The following RGS6 variants were observed in gnomAD, a reference collection of about 807,000 sequenced individuals.
The protein encoded by RGS6 is regulator of G protein signaling 6.
In RGS6, 30 loss-of-function variants were observed where a neutral mutation model predicts 78.5. That is an observed-to-expected ratio of 0.38 (90% CI 0.29 to 0.52). RGS6 has a LOEUF of 0.52. RGS6 is among the 20% of genes least tolerant of loss of function. The pLI, the probability that RGS6 is intolerant of heterozygous loss-of-function variation, is 0.85. For missense variants in RGS6, 495 were observed against 609.7 expected (o/e 0.81, Z 1.98); for synonymous variants, 206 against 206.0 (o/e 1.00, Z 0.00).
intron 3 of RGS6, among the ~76,000 whole-genome samples, chr14:72,438,070 A>G (rs909816231): frequency 1.3e-5 from 2 of 152,158 alleles, no homozygotes; most frequent in African/African-American, 4.8e-5. Context: ...AGGGGGGTGG[A>G]AATAACAGAC....
intron 2 of RGS6, among the ~76,000 whole-genome samples, chr14:72,164,994 G>C (rs2096904814): frequency 3.3e-5 from 5 of 152,186 alleles, no homozygotes; most frequent in Non-Finnish European, 7.3e-5. Flanking sequence ...AGTCAGGGTG[G>C]AGGTGAGACC....
chr14:71,870,367 C>T, the RGS6 span, among the ~76,000 whole-genome samples: 1 of 152,156 alleles, frequency 6.6e-6, no homozygotes, highest in African/African-American at 2.4e-5. Flanking sequence ...ATTACTACCT[C>T]CTTATGAGAT....
intron 2 of RGS6, among the ~76,000 whole-genome samples, chr14:71,982,585 C>T (rs926827139): frequency 1.3e-5 from 2 of 152,154 alleles, no homozygotes; most frequent in Non-Finnish European, 2.9e-5. Context: ...CCCTGGGTGC[C>T]CCTCCTCCTT....
At chr14:72,462,291 C>G (rs1004862228) in intron 6 of RGS6, among the ~76,000 whole-genome samples, 1 of 152,070 alleles carries the variant, frequency 6.6e-6, no homozygotes, top group Non-Finnish European at 1.5e-5. Flanking sequence ...TGATGAATGA[C>G]TGAGAAGGCT....
At chr14:72,540,870 A>G (rs1045211370) in intron 17 of RGS6, 2 of 985,408 alleles carry the variant, frequency 2.0e-6, no homozygotes, top group Non-Finnish European at 2.4e-6. Context: ...AGAGCTCCCC[A>G]CAGTGGCACA....
intron 2 of RGS6, among the ~76,000 whole-genome samples, chr14:72,198,177 A>G (rs978728025): frequency 6.6e-5 from 10 of 152,070 alleles, no homozygotes; most frequent in African/African-American, 1.7e-4. Flanking sequence ...CCTGGTCAAC[A>G]TGGCGAAACC....
chr14:71,909,835 T>C, the RGS6 span, among the ~76,000 whole-genome samples: 2 of 152,066 alleles, frequency 1.3e-5, no homozygotes, highest in South Asian at 2.1e-4. Context: ...AAAACCAGAA[T>C]ATGTCACCCC....
At chr14:72,472,152 A>G (rs547615656) in intron 8 of RGS6, among the ~76,000 whole-genome samples, 1 of 147,492 alleles carries the variant, frequency 6.8e-6, no homozygotes, top group South Asian at 2.2e-4. Flanking sequence ...AATAAAATGA[A>G]GTAATACATG....
At chr14:72,207,857 A>G (rs141604372) in intron 2 of RGS6, among the ~76,000 whole-genome samples, 1 of 152,348 alleles carries the variant, frequency 6.6e-6, no homozygotes, top group African/African-American at 2.4e-5. Flanking sequence ...CAGGCTTATC[A>G]TGATTCATCA....
At chr14:71,979,376 T>C (rs2153110120) in intron 2 of RGS6, among the ~76,000 whole-genome samples, 1 of 148,866 alleles carries the variant, frequency 6.7e-6, no homozygotes, top group South Asian at 2.2e-4. Context: ...TTTTGGATCT[T>C]TCCTGCTTTC....
chr14:72,088,846 C>T (rs571443758), intron 2 of RGS6, among the ~76,000 whole-genome samples: 4 of 152,324 alleles, frequency 2.6e-5, no homozygotes, highest in Admixed American at 6.5e-5. Flanking sequence ...CTTTCTGCTC[C>T]TCAGTCACTC....
intron 2 of RGS6, among the ~76,000 whole-genome samples, chr14:72,171,025 G>A (rs1451993672): frequency 3.9e-5 from 6 of 152,168 alleles, no homozygotes. Flanking sequence ...AAGAAATCTA[G>A]GTAATTTTTG....
intron 2 of RGS6, among the ~76,000 whole-genome samples, chr14:72,268,966 T>C (rs562883101): frequency 6.6e-6 from 1 of 152,342 alleles, no homozygotes; most frequent in South Asian, 2.1e-4. Context: ...ATCTCTCTCT[T>C]TCTTCCGCCT....
intron 3 of RGS6, among the ~76,000 whole-genome samples, chr14:72,438,016 G>A (rs186583094): frequency 3.0e-4 from 45 of 152,282 alleles, no homozygotes; most frequent in Admixed American, 2.0e-3. Flanking sequence ...CATCAGTGGT[G>A]GTCGGTGTAG....
chr14:72,014,088 T>C (rs2086441835), intron 2 of RGS6, among the ~76,000 whole-genome samples: 1 of 152,204 alleles, frequency 6.6e-6, no homozygotes, highest in Non-Finnish European at 1.5e-5. Flanking sequence ...TGCAGTAATT[T>C]ACAACCACCG....
At chr14:72,629,549 T>C in the RGS6 span, 1 of 1,378,490 alleles carries the variant, frequency 7.3e-7, no homozygotes, top group South Asian at 1.3e-5. Flanking sequence ...ACAAGAGTCC[T>C]TCCTTCCTCT....
chr14:72,052,781 G>T (rs2093328342), intron 2 of RGS6, among the ~76,000 whole-genome samples: 1 of 152,004 alleles, frequency 6.6e-6, no homozygotes, highest in Admixed American at 6.6e-5. Flanking sequence ...AGGCATTTTT[G>T]TAAGTGTGTT....
At chr14:72,165,108 A>G (rs2096906778) in intron 2 of RGS6, among the ~76,000 whole-genome samples, 1 of 152,166 alleles carries the variant, frequency 6.6e-6, no homozygotes, top group Admixed American at 6.5e-5. Flanking sequence ...AGAGCCAGGA[A>G]CCCTGCTAGG....
At chr14:72,059,241 A>G (rs141698914) in intron 2 of RGS6, among the ~76,000 whole-genome samples, 2 of 152,312 alleles carry the variant, frequency 1.3e-5, no homozygotes, top group Non-Finnish European at 2.9e-5. Context: ...GGATCTTGGT[A>G]ACCAGAGCAG....
Sources: gnomAD v4.1 joint callset for allele counts (sites outside exome capture counted in the v4.1 genomes callset) on GRCh38, gnomAD v4.1.1 for gene constraint, MANE v1.5 for transcripts, NCBI Gene and HGNC (gene_info 2026-07-23, HGNC 2026-07-21) for gene names.